The following TMEM131L variants were observed in gnomAD, a reference collection of about 807,000 sequenced individuals.
TMEM131L encodes transmembrane protein 131-like.
In TMEM131L, 54 loss-of-function variants were observed where a neutral mutation model predicts 192.2. That is an observed-to-expected ratio of 0.28 (90% CI 0.23 to 0.35). TMEM131L has a LOEUF of 0.35. Among genes scored for constraint, TMEM131L ranks in the 10% least tolerant of loss-of-function variants. TMEM131L has a pLI of 1.00. For missense variants in TMEM131L, 1,888 were observed against 1,972.9 expected, an observed-to-expected ratio of 0.96 and a Z score of 0.82; for synonymous variants, 701 against 704.9, an observed-to-expected ratio of 0.99 and a Z score of 0.09.
intron 21 of TMEM131L, 77 bp downstream of exon 21, chr4:153,598,809 A>G (rs951780724): frequency 1.7e-6 from 2 of 1,190,972 alleles, no homozygotes. Context: ...ATAAATTCTA[A>G]ATTTTAAATT....
intron 3 of TMEM131L, among the ~76,000 whole-genome samples, chr4:153,487,844 T>A (rs1264633618): frequency 7.3e-6 from 1 of 136,708 alleles, no homozygotes; most frequent in East Asian, 2.2e-4. Flanking sequence ...GTGGCTGAGG[T>A]GTATGTGTGT....
rs982154969 is a variant in TMEM131L, at chr4:153,591,395, T to C, written c.1812+201T>C. On this transcript the variant is annotated intron_variant, in intron 17 of 34. Coordinates refer to ENST00000409959, the MANE Select transcript of TMEM131L (RefSeq NM_001131007.2). ...GACTTTGAATTGAGTGTACCCTCCATAAATGTGTCAGTTAAGAAAGTACTC... is the reference window on the plus strand; with the variant it reads ...GACTTTGAATTGAGTGTACCCTCCACAAATGTGTCAGTTAAGAAAGTACTC... Among the ~76,000 whole-genome samples the C allele has an allele frequency of 3.9e-5, 6 of 152,226 alleles. 1 individual carries two copies. The highest frequency in any genetic ancestry group is 7.3e-5 in the Non-Finnish European group (5 of 68,042).
chr4:153,544,774 C>T (rs1255535734), intron 3 of TMEM131L, among the ~76,000 whole-genome samples: 4 of 152,190 alleles, frequency 2.6e-5, no homozygotes, highest in Non-Finnish European at 4.4e-5. Flanking sequence ...TTGGACTCTC[C>T]TGATCTCTGG....
chr4:153,602,767 A>G, intron 23 of TMEM131L, 40 bp downstream of exon 23: 1 of 1,585,652 alleles, frequency 6.3e-7, no homozygotes, highest in Non-Finnish European at 8.6e-7. Context: ...CACTGAGTAG[A>G]GAAGTCATCC....
chr4:153,577,034 T>C (rs1729997120), intron 7 of TMEM131L, among the ~76,000 whole-genome samples: 1 of 152,090 alleles, frequency 6.6e-6, no homozygotes, highest in African/African-American at 2.4e-5. Flanking sequence ...AAAGGTCAGG[T>C]AGAAGTTGCT....
chr4:153,550,845 T>G (rs1737566374), intron 4 of TMEM131L, among the ~76,000 whole-genome samples: 1 of 152,200 alleles, frequency 6.6e-6, no homozygotes, highest in Non-Finnish European at 1.5e-5. Context: ...GTTGTTAGGA[T>G]TAAGACTTTG....
intron 2 of TMEM131L, among the ~76,000 whole-genome samples, chr4:153,467,570 G>T (rs1415199366): frequency 1.3e-5 from 2 of 152,228 alleles, no homozygotes; most frequent in African/African-American, 4.8e-5. Flanking sequence ...GGGTGTCCTG[G>T]GTGCACACTG....
chr4:153,523,251 A>G (rs1426209702), intron 3 of TMEM131L, among the ~76,000 whole-genome samples: 3 of 152,244 alleles, frequency 2.0e-5, no homozygotes, highest in African/African-American at 7.2e-5. Flanking sequence ...TAAAACTGCC[A>G]GAAGTATGTT....
At chr4:153,595,345 C>G (rs1381644588) in intron 19 of TMEM131L, among the ~76,000 whole-genome samples, 1 of 152,116 alleles carries the variant, frequency 6.6e-6, no homozygotes, top group Non-Finnish European at 1.5e-5. Flanking sequence ...GCTGTTTTTA[C>G]TATAAGTTTA....
intron 22 of TMEM131L, 85 bp downstream of exon 22, chr4:153,602,423 C>CT (rs1731906126): frequency 6.5e-7 from 1 of 1,529,372 alleles, no homozygotes; most frequent in African/African-American, 1.4e-5. Flanking sequence ...GTTAAGACAT[C>CT]TTATGTTGTT....
At chr4:153,548,074 G>A (rs975975631) in intron 3 of TMEM131L, among the ~76,000 whole-genome samples, 2 of 152,018 alleles carry the variant, frequency 1.3e-5, no homozygotes, top group Non-Finnish European at 2.9e-5. Flanking sequence ...CTGGAGTAGG[G>A]TCCCTGTGGT....
intron 3 of TMEM131L, among the ~76,000 whole-genome samples, chr4:153,483,662 C>A (rs1432882187): frequency 6.6e-6 from 1 of 152,168 alleles, no homozygotes; most frequent in African/African-American, 2.4e-5. Flanking sequence ...CACTGTACTC[C>A]AGCCTGGGTG....
intron 3 of TMEM131L, among the ~76,000 whole-genome samples, chr4:153,487,316 AGAATC>A (rs1259648062): frequency 6.6e-6 from 1 of 152,174 alleles, no homozygotes; most frequent in Non-Finnish European, 1.5e-5. Flanking sequence ...TATCAAACCT[AGAATC>A]CGTACGTATT....
chr4:153,470,838 G>A (rs116598693), intron 2 of TMEM131L, among the ~76,000 whole-genome samples: 103 of 152,318 alleles, frequency 6.8e-4, no homozygotes, highest in African/African-American at 2.1e-3. Context: ...CCTTGGCCAA[G>A]CATGTCCAAC....
rs1730793790 is a variant in TMEM131L, at chr4:153,587,753, G to C, written c.1494G>C (p.Leu498=). The part of the protein sequence containing the change: ...IYSAPTKEGS[L]GFEVIAHCGM... ...ACTTTTCAATCTAGGAAGGGAGTCTGGGTTTTGAAGTGATAGCACATTGTG... is the reference window on the plus strand; with the variant it reads ...ACTTTTCAATCTAGGAAGGGAGTCTCGGTTTTGAAGTGATAGCACATTGTG... Residue 498 remains leucine (L), a synonymous_variant, in exon 15 of 35, where the codon CTG becomes CTC. Transcript: ENST00000409959. The C allele has an allele frequency of 6.2e-7, 1 of 1,610,808 alleles. No homozygotes were observed. The highest frequency in any genetic ancestry group is 1.3e-5 in the African/African-American group (1 of 74,944).
rs538118384 is a variant in TMEM131L, at chr4:153,584,891, C to G, written c.1117C>G (p.Pro373Ala). The change falls in exon 12 of 35, where the codon CCA becomes GCA. Residue 373 changes from proline to alanine, a missense_variant. Pro to Ala is a conservative substitution (Grantham distance 27). Transcript: ENST00000409959. The stretch of plus-strand genomic sequence containing the variant: ...AGATGTGAAGAAAACAACACACACT[C>G]CAACACTAAAAGCATGCCTCTTCTC... ...IEDVKKTTHT[P>A]TLKACLFSSV... 8.1e-6 allele frequency: 13 copies of G among 1,614,100 alleles called. No individual in the cohort carries two copies. The East Asian group carries it at 2.7e-4, about 33-fold the overall frequency.
chr4:153,633,114 A>AT, intron 32 of TMEM131L: 1 of 285,424 alleles, frequency 3.5e-6, no homozygotes, highest in Non-Finnish European at 6.6e-6. Context: ...TTAGAGGCAG[A>AT]TTTGAAAAAA....
At chr4:153,630,200 A>G (rs1251844954) in intron 31 of TMEM131L, among the ~76,000 whole-genome samples, 1 of 152,232 alleles carries the variant, frequency 6.6e-6, no homozygotes, top group Non-Finnish European at 1.5e-5. Flanking sequence ...ACATGCGTAC[A>G]TCATTCCATA....
intron 3 of TMEM131L, among the ~76,000 whole-genome samples, chr4:153,477,543 A>G (rs536633640): frequency 2.6e-5 from 4 of 152,194 alleles, no homozygotes; most frequent in Admixed American, 6.5e-5. Context: ...TCAGATTATC[A>G]GAATGAAAGA....
Sources: allele counts gnomAD v4.1 joint callset (sites outside exome capture counted in the v4.1 genomes callset), GRCh38; gene constraint gnomAD v4.1.1; transcripts MANE v1.5; gene names NCBI Gene and HGNC (gene_info 2026-07-23, HGNC 2026-07-21).